Variants in POC1B observed in about 807,000 individuals in gnomAD.
POC1B encodes POC1 centriolar protein homolog B.
In POC1B, 44 loss-of-function variants were observed where a neutral mutation model predicts 60.6. That is an observed-to-expected ratio of 0.73 (90% CI 0.57 to 0.93). POC1B has a LOEUF of 0.93. POC1B is among the 40% of genes least tolerant of loss of function. POC1B has a pLI of 0.00. For synonymous variants in POC1B, 180 were observed against 198.9 expected (o/e 0.90, Z 0.80); for missense variants, 555 against 572.3 (o/e 0.97, Z 0.31).
At chr12:89,511,011 C>T (rs1357626856) in intron 2 of POC1B, among the ~76,000 whole-genome samples, 5 of 151,836 alleles carry the variant, frequency 3.3e-5, no homozygotes, top group Admixed American at 3.3e-4. Flanking sequence ...TACTTCGGCC[C>T]CCCAAAGTGC....
chr12:89,500,298 C>G, intron 2 of POC1B: 2 of 1,533,738 alleles, frequency 1.3e-6, no homozygotes, highest in Non-Finnish European at 1.8e-6. Flanking sequence ...ATAAAAGACA[C>G]TTGTATTCAG....
chr12:89,441,927 G>C (rs1000058676), intron 10 of POC1B, among the ~76,000 whole-genome samples: 2 of 152,166 alleles, frequency 1.3e-5, no homozygotes, highest in African/African-American at 2.4e-5. Context: ...TGACCTGATA[G>C]AGCTGAAAAC....
At chr12:89,463,812 A>C (rs1405866943) in intron 9 of POC1B, among the ~76,000 whole-genome samples, 2 of 152,122 alleles carry the variant, frequency 1.3e-5, no homozygotes, top group Non-Finnish European at 2.9e-5. Flanking sequence ...CCCTCTATCC[A>C]TGTAGGAATT....
At chr12:89,508,378 T>C (rs148919399) in intron 2 of POC1B, among the ~76,000 whole-genome samples, 9 of 152,360 alleles carry the variant, frequency 5.9e-5, no homozygotes, top group Admixed American at 5.9e-4. Context: ...TTGACCTTGA[T>C]GTTCTTGAAG....
chr12:89,463,900 G>A (rs1390647483), intron 9 of POC1B, among the ~76,000 whole-genome samples: 3 of 152,168 alleles, frequency 2.0e-5, no homozygotes, highest in Admixed American at 6.6e-5. Flanking sequence ...CAAGTGAAGC[G>A]CTTAAGGCTA....
the POC1B span, among the ~76,000 whole-genome samples, chr12:89,412,848 T>C: frequency 8.3e-4 from 99 of 119,302 alleles, no homozygotes; most frequent in Middle Eastern, 3.9e-3. Context: ...CCTTCCTTCC[T>C]TTCCTTCCTC....
chr12:89,492,232 T>C, intron 3 of POC1B, 117 bp from the exon 4 acceptor site: 1 of 846,164 alleles, frequency 1.2e-6, no homozygotes, highest in Non-Finnish European at 1.7e-6. Context: ...TTAACTCTTG[T>C]AAAACCTAAC....
At chr12:89,483,489 C>T (rs188493838) in intron 4 of POC1B, among the ~76,000 whole-genome samples, 1 of 152,254 alleles carries the variant, frequency 6.6e-6, no homozygotes, top group East Asian at 1.9e-4. Context: ...TGTGTCCTCA[C>T]ATGGTGAGAG....
At chr12:89,414,084 G>T in the POC1B span, among the ~76,000 whole-genome samples, 1 of 151,952 alleles carries the variant, frequency 6.6e-6, no homozygotes, top group East Asian at 1.9e-4. Flanking sequence ...GTAGAGATGG[G>T]GTTTCACCAT....
At chr12:89,431,513 C>T (rs1174202045) in intron 10 of POC1B, among the ~76,000 whole-genome samples, 2 of 151,672 alleles carry the variant, frequency 1.3e-5, no homozygotes, top group African/African-American at 4.8e-5. Flanking sequence ...ACTAGAATAA[C>T]AACAAAAAAA....
intron 2 of POC1B, among the ~76,000 whole-genome samples, chr12:89,518,737 T>A (rs906478620): frequency 1.3e-5 from 2 of 152,176 alleles, no homozygotes; most frequent in Non-Finnish European, 2.9e-5. Flanking sequence ...CAGTCTTTTT[T>A]ATACTCGTGA....
intron 2 of POC1B, among the ~76,000 whole-genome samples, chr12:89,497,748 G>A (rs1411580247): frequency 6.6e-6 from 1 of 152,294 alleles, no homozygotes; most frequent in Non-Finnish European, 1.5e-5. Context: ...AGGGATGGAT[G>A]AGATAATTTT....
chr12:89,404,370 T>G, the POC1B span, among the ~76,000 whole-genome samples: 1 of 152,154 alleles, frequency 6.6e-6, no homozygotes, highest in African/African-American at 2.4e-5. Flanking sequence ...AGCACAAGTG[T>G]TTGTCTTACT....
chr12:89,459,329 G>A (rs935637342), intron 10 of POC1B, among the ~76,000 whole-genome samples: 9 of 149,726 alleles, frequency 6.0e-5, no homozygotes, highest in African/African-American at 2.2e-4. Context: ...GTTAATGGGT[G>A]CAGCACACCA....
chr12:89,476,755 TAGATAGACAGACAGAC>T (rs1429053987), intron 4 of POC1B, among the ~76,000 whole-genome samples: 10 of 68,016 alleles, frequency 1.5e-4, no homozygotes, highest in African/African-American at 4.1e-4. Context: ...GATAGATAGA[TAGATAGACAGACAGAC>T]AGACAGACAC....
At chr12:89,522,702 T>C in intron 2 of POC1B, 2 of 1,392,340 alleles carry the variant, frequency 1.4e-6, no homozygotes, top group Non-Finnish European at 1.9e-6. Flanking sequence ...GCTCCACAGA[T>C]GACTGCTAGG....
chr12:89,476,611 G>A (rs1883113556), intron 4 of POC1B, among the ~76,000 whole-genome samples: 1 of 152,070 alleles, frequency 6.6e-6, no homozygotes, highest in Non-Finnish European at 1.5e-5. Context: ...GGGAGGCTAA[G>A]GCAAGAGAAT....
intron 10 of POC1B, among the ~76,000 whole-genome samples, chr12:89,452,699 G>C (rs10858865): frequency 6.6e-6 from 1 of 151,752 alleles, no homozygotes; most frequent in East Asian, 1.9e-4. Context: ...TTATTTGAAG[G>C]GGGGGAAAAG....
chr12:89,410,221 T>C, the POC1B span, among the ~76,000 whole-genome samples: 19 of 152,272 alleles, frequency 1.2e-4, no homozygotes, highest in Middle Eastern at 0.01. Context: ...GTTATCTCAA[T>C]AGATGCAGAA....
Sources: gnomAD v4.1 joint callset for allele counts (sites outside exome capture counted in the v4.1 genomes callset) on GRCh38, gnomAD v4.1.1 for gene constraint, MANE v1.5 for transcripts, NCBI Gene and HGNC (gene_info 2026-07-23, HGNC 2026-07-21) for gene names.